Variants in BCLAF1 observed in about 807,000 individuals in gnomAD.
BCLAF1 encodes bcl-2-associated transcription factor 1.
A neutral mutation model predicts 99.5 loss-of-function variants in BCLAF1; 10 were observed. The observed-to-expected ratio is 0.10, with a 90% CI of 0.06 to 0.17. The LOEUF (loss-of-function observed/expected upper bound fraction) is 0.17, where lower values mean the gene tolerates loss of function less well. Ranked by LOEUF, BCLAF1 falls within the 10% of genes least tolerant of loss-of-function variation. The pLI, the probability that BCLAF1 is intolerant of heterozygous loss-of-function variation, is 1.00. For synonymous variants in BCLAF1, 255 were observed against 370.9 expected (o/e 0.69, Z 3.59); for missense variants, 636 against 1,105.8 (o/e 0.58, Z 6.02).
chr6:136,286,245 T>C (rs1384456916), intron 1 of BCLAF1, among the ~76,000 whole-genome samples: 3 of 152,222 alleles, frequency 2.0e-5, no homozygotes, highest in African/African-American at 4.8e-5. Context: ...CCCCAGATTG[T>C]TGTAAACAAA....
chr6:136,267,608 G>A (rs1415791086), intron 10 of BCLAF1, among the ~76,000 whole-genome samples: 4 of 151,778 alleles, frequency 2.6e-5, no homozygotes, highest in African/African-American at 9.7e-5. Context: ...GCTCAAGGTA[G>A]GAGTGTGAAT....
At position 136,278,892 on chromosome 6, in the gene BCLAF1, T is replaced by C. The variant is rs1378180253; in HGVS notation, c.105-116A>G. ...CAGTAAAGGCAAAAATACACTTTTTTAAAAAACTCATCTGTACAAAAGTTA... is the reference window on the plus strand; with the variant it reads ...CAGTAAAGGCAAAAATACACTTTTTCAAAAAACTCATCTGTACAAAAGTTA... On this transcript the variant is annotated intron_variant, in intron 3 of 12. Coordinates refer to ENST00000531224, the MANE Select transcript of BCLAF1 (RefSeq NM_014739.3). The C allele has an allele frequency of 6.6e-6, 7 of 1,063,120 alleles. No homozygotes were observed. The East Asian group carries it at 1.9e-4, about 29-fold the overall frequency. The allele number at this position is 1,063,120 out of a possible 1,614,324, so 65.9% of individuals were successfully genotyped here. A position where few individuals can be genotyped will look rare whatever the true frequency, so the allele number is the denominator to read the frequency against.
In BCLAF1 at chr6:136,260,282, T is replaced by A. The variant is rs553436714; in HGVS notation, c.*828A>T. The A allele has an allele frequency of 2.0e-5, 3 of 152,152 alleles. No individual in the cohort carries two copies. Among genetic ancestry groups the A allele is most frequent in the Admixed American group, 2.0e-4 (3 of 15,278 alleles). 9.4% of individuals were successfully genotyped at this position (152,152 alleles called of 1,614,324 possible). On this transcript the variant is annotated 3_prime_UTR_variant, in exon 13 of 13. Transcript: ENST00000531224. ...GTTTTTCTTCTGTTTAAAACTAGGA[T>A]GTTCAGTAGAAATGGGGTTTCTATT...
At chr6:136,286,072 C>G (rs555859097) in intron 1 of BCLAF1, among the ~76,000 whole-genome samples, 52 of 152,202 alleles carry the variant, frequency 3.4e-4, no homozygotes, top group African/African-American at 1.2e-3. Context: ...GCACTCCAGG[C>G]TGGGCAAGAG....
chr6:136,288,907 C>T (rs540405843), intron 1 of BCLAF1, among the ~76,000 whole-genome samples: 105 of 152,300 alleles, frequency 6.9e-4, no homozygotes, highest in Non-Finnish European at 8.4e-4. Context: ...TCATGAAGAA[C>T]CGCACTTTCA....
intron 1 of BCLAF1, among the ~76,000 whole-genome samples, chr6:136,286,586 T>A (rs1207550039): frequency 6.6e-6 from 1 of 152,210 alleles, no homozygotes; most frequent in African/African-American, 2.4e-5. Context: ...GCTAACCACG[T>A]TTACTTAAAA....
chr6:136,260,155 C>T lies in BCLAF1; in HGVS notation c.*955G>A, dbSNP rs1780787876. 6.6e-6 allele frequency: 1 copy of T among 151,998 alleles called. No homozygotes were observed. 9.4% of individuals were successfully genotyped at this position (151,998 alleles called of 1,614,324 possible). ...TTTTTACTAATAGTTACACTACAAA[C>T]TAATGTTCAGCTCAAATAAATATGT... On this transcript the variant is annotated 3_prime_UTR_variant, in exon 13 of 13. Transcript: ENST00000531224.
chr6:136,289,327 G>A (rs1338133720), intron 1 of BCLAF1, among the ~76,000 whole-genome samples: 2 of 152,386 alleles, frequency 1.3e-5, no homozygotes, highest in East Asian at 1.9e-4. Context: ...CCATAGGCGG[G>A]GGAGAGAAAA....
Position 136,275,559 on chromosome 6 carries a change from T to A in BCLAF1, c.1825A>T (p.Ile609Phe). Residue 609 changes from isoleucine to phenylalanine, a missense_variant, in exon 6 of 13, where the codon ATT becomes TTT. This residue lies in a region of BCLAF1 where 180 missense variants were observed against 270.0 expected (regional missense o/e 0.67). Transcript: ENST00000531224. ...KSTSESFIQHIVSLVHHVKEQ... is the reference protein window; with the variant it reads ...KSTSESFIQHFVSLVHHVKEQ... ...TTAACATGATGAACCAAGGACACAA[T>A]GTGTTGAATAAATGACTCTGAAGTG... The A allele has an allele frequency of 6.4e-7, 1 of 1,569,770 alleles. No homozygotes were observed. The highest frequency in any genetic ancestry group is 1.2e-5 in the South Asian group (1 of 82,974).
At chr6:136,284,130 GTATATATA>G (rs60218804) in intron 1 of BCLAF1, among the ~76,000 whole-genome samples, 42,032 of 122,080 alleles carry the variant, frequency 0.34, 7,811 homozygotes, top group Admixed American at 0.41. Flanking sequence ...GTGTGTGTGT[GTATATATA>G]TATATATATA....
intron 6 of BCLAF1, among the ~76,000 whole-genome samples, chr6:136,274,636 G>A (rs536476737): frequency 6.6e-6 from 1 of 151,910 alleles, no homozygotes; most frequent in African/African-American, 2.4e-5. Flanking sequence ...CATGTCAAAC[G>A]ACAGATTTTT....
chr6:136,279,986 C>CTATT (rs772017734), intron 2 of BCLAF1, 110 bp from the exon 3 acceptor site: 7 of 1,186,152 alleles, frequency 5.9e-6, no homozygotes, highest in Non-Finnish European at 7.6e-6. Flanking sequence ...TTCTCAAAGG[C>CTATT]TATTATTCAC....
In BCLAF1 at chr6:136,256,667, C is replaced by CTCAA. The variant is rs1366910943; in HGVS notation, c.*4439_*4442dup. 1 of 115,412 alleles carries CTCAA rather than the reference C, an allele frequency of 8.7e-6. No individual in the cohort carries two copies. Among genetic ancestry groups the CTCAA allele is most frequent in the African/African-American group, 3.6e-5 (1 of 27,682 alleles). 7.1% of individuals were successfully genotyped at this position (115,412 alleles called of 1,614,324 possible). On this transcript the variant is annotated 3_prime_UTR_variant, in exon 13 of 13. Coordinates refer to ENST00000531224, the MANE Select transcript of BCLAF1 (RefSeq NM_014739.3). ...CACTCTAGTCTGGGTAAGACTCCAT[C>CTCAA]TCAATAAATAAATAAATAAATAAAT...
chr6:136,278,791 A>C lies in BCLAF1; in HGVS notation c.105-15T>G, dbSNP rs371412988. On this transcript the variant is annotated splice_polypyrimidine_tract_variant and intron_variant, in intron 3 of 12. Transcript: ENST00000531224. ...GAGACCTAGAACTAAAAATGAAATA[A>C]ATATCAATGCAAGAAAAATAAAGTA... The C allele has an allele frequency of 2.3e-4, 341 of 1,486,856 alleles. No individual in the cohort carries two copies. The highest frequency in any genetic ancestry group is 2.7e-4 in the Non-Finnish European group (302 of 1,121,152). 92.1% of individuals were successfully genotyped at this position (1,486,856 alleles called of 1,614,324 possible). A position where few individuals can be genotyped will look rare whatever the true frequency, so the allele number is the denominator to read the frequency against.
rs773774414 is a variant in BCLAF1 at position 136,277,825 on chromosome 6, AAAC to A, written c.1016+37_1016+39del. The A allele has an allele frequency of 3.2e-6, 5 of 1,560,714 alleles. No individual in the cohort carries two copies. The South Asian group carries it at 6.0e-5, about 19-fold the overall frequency. On this transcript the variant is annotated intron_variant, in intron 4 of 12. Coordinates refer to ENST00000531224, the MANE Select transcript of BCLAF1 (RefSeq NM_014739.3). ...ATTCCAAACAGAATTCAAAGAACAA[AAAC>A]AATATTATAATCTAGATTCTGTATT...
chr6:136,273,322 A>G (rs1371757127), intron 6 of BCLAF1, 135 bp from the exon 7 acceptor site: 4 of 724,302 alleles, frequency 5.5e-6, no homozygotes, highest in Non-Finnish European at 9.0e-6. Flanking sequence ...AAGTGTTACA[A>G]GGAACTCCTA....
intron 1 of BCLAF1, among the ~76,000 whole-genome samples, chr6:136,285,315 G>A (rs891435910): frequency 2.6e-5 from 4 of 152,208 alleles, no homozygotes; most frequent in African/African-American, 4.8e-5. Context: ...TACAGAGAGT[G>A]AGGAAAAATG....
At chr6:136,279,661 A>G (rs1277356735) in intron 3 of BCLAF1, 102 bp downstream of exon 3, 7 of 1,167,678 alleles carry the variant, frequency 6.0e-6, no homozygotes, top group Non-Finnish European at 7.6e-6. Flanking sequence ...GGGTTCTTTG[A>G]GAATAAAATA....
At chr6:136,288,201 A>G (rs986855377) in intron 1 of BCLAF1, among the ~76,000 whole-genome samples, 2 of 152,196 alleles carry the variant, frequency 1.3e-5, no homozygotes, top group African/African-American at 4.8e-5. Flanking sequence ...ACCACAATGT[A>G]CTGGTTGAAA....
Sources: allele counts gnomAD v4.1 joint callset (sites outside exome capture counted in the v4.1 genomes callset), GRCh38; gene constraint gnomAD v4.1.1; regional missense constraint gnomAD v4.1.1; transcripts MANE v1.5; gene names NCBI Gene and HGNC (gene_info 2026-07-23, HGNC 2026-07-21).